Variants in KATNAL1 observed in about 807,000 individuals in gnomAD.
The protein encoded by KATNAL1 is katanin p60 ATPase-containing subunit A-like 1.
In KATNAL1, 32 loss-of-function variants were observed where a neutral mutation model predicts 55.2. That is an observed-to-expected ratio of 0.58 (90% confidence interval 0.44 to 0.78). KATNAL1 has a LOEUF of 0.78. Among genes scored for constraint, KATNAL1 ranks in the 30% least tolerant of loss-of-function variants. The probability of loss-of-function intolerance (pLI) is 0.00; values close to 1 mark genes in which losing one functional copy is unlikely to be tolerated. For synonymous variants in KATNAL1, 193 were observed against 193.6 expected, an observed-to-expected ratio of 1.00 and a Z score of 0.02; for missense variants, 466 against 600.9, an observed-to-expected ratio of 0.78 and a Z score of 2.35.
intron 3 of KATNAL1, among the ~76,000 whole-genome samples, chr13:30,279,848 C>A (rs1274815350): frequency 6.6e-6 from 1 of 152,068 alleles, no homozygotes; most frequent in Non-Finnish European, 1.5e-5. Context: ...TTGTTATTAG[C>A]GTAATAAAGC....
At chr13:30,227,671 G>T in intron 8 of KATNAL1, 125 bp from the exon 9 acceptor site, 1 of 846,700 alleles carries the variant, frequency 1.2e-6, no homozygotes, top group Non-Finnish European at 1.7e-6. Flanking sequence ...CCTGACCTCT[G>T]TGTGGTGGCA....
intron 6 of KATNAL1, among the ~76,000 whole-genome samples, chr13:30,238,486 A>C (rs79021893): frequency 0.021 from 3,253 of 152,244 alleles, 46 homozygotes; most frequent in Non-Finnish European, 0.033. Context: ...TTTCCCAAAA[A>C]CACTTACACT....
At chr13:30,274,907 G>GCGCGCGCGCGCGCGCACACACA (rs869107567) in intron 3 of KATNAL1, among the ~76,000 whole-genome samples, 1 of 105,390 alleles carries the variant, frequency 9.5e-6, no homozygotes, top group Non-Finnish European at 1.9e-5. Flanking sequence ...GCGCGCGCGC[G>GCGCGCGCGCGCGCGCACACACA]CACACACACA....
intron 1 of KATNAL1, among the ~76,000 whole-genome samples, chr13:30,299,665 G>A (rs1882742209): frequency 1.3e-5 from 2 of 152,088 alleles, no homozygotes; most frequent in African/African-American, 4.8e-5. Context: ...ATTTGACAAT[G>A]TCTCTTATTT....
chr13:30,284,980 C>T (rs1276511890), intron 1 of KATNAL1, among the ~76,000 whole-genome samples: 1 of 152,108 alleles, frequency 6.6e-6, no homozygotes, highest in Admixed American at 6.6e-5. Flanking sequence ...CCAATGAATA[C>T]ACATAAAGAA....
intron 1 of KATNAL1, chr13:30,306,877 G>A (rs546262718): frequency 8.5e-5 from 13 of 152,458 alleles, no homozygotes; most frequent in African/African-American, 2.9e-4. Flanking sequence ...GGCCCAGCCG[G>A]GGTGGGGCTG....
chr13:30,229,853 T>C (rs962359077), intron 8 of KATNAL1, among the ~76,000 whole-genome samples: 2 of 151,612 alleles, frequency 1.3e-5, no homozygotes, highest in Admixed American at 6.6e-5. Flanking sequence ...AATTTAAAAA[T>C]ATTAATTCAC....
Position 30,208,639 on chromosome 13 carries a change from T to C in KATNAL1, c.1374A>G (p.Lys458=), listed in dbSNP as rs751802530. 1.2e-6 allele frequency: 2 copies of C among 1,614,008 alleles called. No homozygotes were observed. Among genetic ancestry groups the C allele is most frequent in the Non-Finnish European group, 8.5e-7 (1 of 1,179,926 alleles). ...TCTTTAGGGCCAATTCAAAGTCTCC[T>C]TTGGTAACAGGCATCTGAAGTTCCT... ...SKEELQMPVT[K]GDFELALKKI... The change falls in exon 11 of 11, where the codon AAA becomes AAG. Residue 458 remains lysine (K), a synonymous_variant. Transcript: ENST00000380615.
At chr13:30,295,920 T>C (rs1022214868) in intron 1 of KATNAL1, among the ~76,000 whole-genome samples, 2 of 151,282 alleles carry the variant, frequency 1.3e-5, no homozygotes, top group Non-Finnish European at 2.9e-5. Flanking sequence ...AGAATTGCCC[T>C]GGGCCAGGCA....
At chr13:30,232,896 T>C (rs1019707422) in intron 6 of KATNAL1, among the ~76,000 whole-genome samples, 2 of 152,122 alleles carry the variant, frequency 1.3e-5, no homozygotes, top group African/African-American at 4.8e-5. Flanking sequence ...TGGATAGCCA[T>C]ATGCAGAAGA....
rs566572180 is a variant in KATNAL1, at chr13:30,202,644, C to G, written c.*5896G>C. On this transcript the variant is annotated 3_prime_UTR_variant, in exon 11 of 11. Coordinates refer to ENST00000380615, the MANE Select transcript of KATNAL1 (RefSeq NM_032116.5). ...AAAGAAAGCGATGACAACCAACACT[C>G]TATAAATTTATTACCAAATATAACC... The G allele has an allele frequency of 6.6e-6, 1 of 152,254 alleles. No individual in the cohort carries two copies. Among genetic ancestry groups the G allele is most frequent in the East Asian group, 1.9e-4 (1 of 5,184 alleles). 9.4% of individuals were successfully genotyped at this position (152,254 alleles called of 1,614,324 possible).
chr13:30,297,178 G>GA (rs1882566743), intron 1 of KATNAL1, among the ~76,000 whole-genome samples: 1 of 151,390 alleles, frequency 6.6e-6, no homozygotes, highest in Admixed American at 6.6e-5. Flanking sequence ...AAAGAAGGAG[G>GA]AGGAAGGAAG....
chr13:30,244,441 T>A (rs1326669148), intron 4 of KATNAL1, among the ~76,000 whole-genome samples: 1 of 152,190 alleles, frequency 6.6e-6, no homozygotes, highest in Non-Finnish European at 1.5e-5. Flanking sequence ...GTATATACCC[T>A]GTAATGGGAT....
intron 9 of KATNAL1, among the ~76,000 whole-genome samples, chr13:30,220,534 A>G (rs371535679): frequency 1.8e-4 from 28 of 152,266 alleles, no homozygotes; most frequent in African/African-American, 5.1e-4. Context: ...ACAAATAAGG[A>G]AAAAAACGCT....
intron 3 of KATNAL1, among the ~76,000 whole-genome samples, chr13:30,266,547 A>G (rs1250728589): frequency 1.3e-5 from 2 of 152,216 alleles, no homozygotes; most frequent in Non-Finnish European, 2.9e-5. Context: ...ATTTTCATGC[A>G]TGAAAAAAAT....
chr13:30,300,575 G>A (rs1882795478), intron 1 of KATNAL1, among the ~76,000 whole-genome samples: 1 of 151,760 alleles, frequency 6.6e-6, no homozygotes, highest in Non-Finnish European at 1.5e-5. Context: ...TCATACAATG[G>A]CTGCTATAAA....
At chr13:30,278,232 T>C (rs1881011908) in intron 3 of KATNAL1, among the ~76,000 whole-genome samples, 1 of 151,386 alleles carries the variant, frequency 6.6e-6, no homozygotes. Flanking sequence ...CCAGACAATA[T>C]ACAATCTGAG....
intron 3 of KATNAL1, among the ~76,000 whole-genome samples, chr13:30,274,892 C>G (rs1462897918): frequency 1.0e-4 from 9 of 88,144 alleles, no homozygotes; most frequent in African/African-American, 1.6e-4. Flanking sequence ...CACACACATA[C>G]GCGCGCGCGC....
At position 30,203,208 on chromosome 13, in the gene KATNAL1, A is replaced by AG. The variant is rs1872837720; in HGVS notation, c.*5331_*5332insC. The AG allele has an allele frequency of 6.6e-6, 1 of 152,264 alleles. No homozygotes were observed. The highest frequency in any genetic ancestry group is 1.9e-4 in the East Asian group (1 of 5,204). 9.4% of individuals were successfully genotyped at this position (152,264 alleles called of 1,614,324 possible). A position where few individuals can be genotyped will look rare whatever the true frequency, so the allele number is the denominator to read the frequency against. ...ATTTCACAGAGGCCTTATTTGGAAT[A>AG]CAAACACTTTGCTAGAGAAAGAAAG... On this transcript the variant is annotated 3_prime_UTR_variant, in exon 11 of 11. Coordinates refer to ENST00000380615, the MANE Select transcript of KATNAL1 (RefSeq NM_032116.5).
Sources: allele counts gnomAD v4.1 joint callset (sites outside exome capture counted in the v4.1 genomes callset), GRCh38; gene constraint gnomAD v4.1.1; transcripts MANE v1.5; gene names NCBI Gene and HGNC (gene_info 2026-07-23, HGNC 2026-07-21).